Variants in FLNB observed in about 807,000 individuals in gnomAD.
FLNB encodes the protein filamin-B.
FLNB carries 111 observed loss-of-function variants against 250.6 expected under a neutral mutation model. The observed-to-expected ratio is 0.44, with a 90% CI of 0.38 to 0.52. The LOEUF is 0.52. Ranked by LOEUF, FLNB falls within the 20% of genes least tolerant of loss-of-function variation. The pLI, the probability that FLNB is intolerant of heterozygous loss-of-function variation, is 0.00. For missense variants in FLNB, 2,869 were observed against 3,447.8 expected (o/e 0.83, Z 4.20); for synonymous variants, 1,302 against 1,372.1 (o/e 0.95, Z 1.13).
intron 10 of FLNB, among the ~76,000 whole-genome samples, 178 bp downstream of exon 10, chr3:58,104,263 GCT>G (rs755008805): frequency 4.6e-5 from 7 of 151,002 alleles, no homozygotes; most frequent in Non-Finnish European, 8.8e-5. Flanking sequence ...GCAGAAAGTT[GCT>G]GTGGTTTTAG....
Position 58,145,814 on chromosome 3 carries a change from G to A in FLNB, c.5426-107G>A, listed in dbSNP as rs535092702. 8 of 1,378,930 alleles carry A rather than the reference G, an allele frequency of 5.8e-6. No homozygotes were observed. The East Asian group carries it at 1.8e-4, about 32-fold the overall frequency. 85.4% of individuals were successfully genotyped at this position (1,378,930 alleles called of 1,614,324 possible). A position where few individuals can be genotyped will look rare whatever the true frequency, so the allele number is the denominator to read the frequency against. ...TTCTGTCTCTTCATGCCTCTGCTTA[G>A]GAGGCGCCAGACCTGTAGAGAGGTG... On this transcript the variant is annotated intron_variant, in intron 32 of 45. Coordinates refer to ENST00000295956, the MANE Select transcript of FLNB (RefSeq NM_001457.4).
At chr3:58,073,574 A>AT (rs71091339) in intron 1 of FLNB, among the ~76,000 whole-genome samples, 2,624 of 143,904 alleles carry the variant, frequency 0.018, 68 homozygotes, top group African/African-American at 0.059. Context: ...GAAGTTCTTA[A>AT]TTTTTTTTTT....
intron 29 of FLNB, among the ~76,000 whole-genome samples, chr3:58,138,813 C>T (rs763460578): frequency 2.4e-4 from 37 of 152,170 alleles, no homozygotes; most frequent in Admixed American, 4.6e-4. Context: ...AAAGATAACT[C>T]CTCAGAAAAA....
intron 1 of FLNB, among the ~76,000 whole-genome samples, chr3:58,012,456 T>C (rs1015095659): frequency 7.2e-5 from 11 of 152,172 alleles, no homozygotes; most frequent in African/African-American, 2.7e-4. Flanking sequence ...GAGCCTTAAC[T>C]GACTTGCCTT....
chr3:58,125,694 T>C lies in FLNB; in HGVS notation c.4012T>C (p.Leu1338=), dbSNP rs1205622311. ...TAGGGTGCAAGCCCAAGGACCTGGATTGAAAGAGGCCTTTACCAACAAGCC... is the reference window on the plus strand; with the variant it reads ...TAGGGTGCAAGCCCAAGGACCTGGACTGAAAGAGGCCTTTACCAACAAGCC... ...PSRVQAQGPG[L]KEAFTNKPNV... The change falls in exon 23 of 46, where the codon TTG becomes CTG. Residue 1338 remains leucine, a synonymous_variant. Coordinates refer to ENST00000295956, the MANE Select transcript of FLNB (RefSeq NM_001457.4). The C allele has an allele frequency of 5.0e-6, 8 of 1,614,182 alleles. No individual in the cohort carries two copies. The highest frequency in any genetic ancestry group is 6.8e-6 in the Non-Finnish European group (8 of 1,180,032).
At chr3:58,021,262 TCCCAGGGGA>T (rs2097113638) in intron 1 of FLNB, among the ~76,000 whole-genome samples, 1 of 152,168 alleles carries the variant, frequency 6.6e-6, no homozygotes, top group South Asian at 2.1e-4. Context: ...AGGCCCTGCC[TCCCAGGGGA>T]CCTGAGGTGC....
intron 6 of FLNB, among the ~76,000 whole-genome samples, chr3:58,096,969 CTTTG>C (rs1381689636): frequency 5.3e-5 from 8 of 152,276 alleles, no homozygotes; most frequent in African/African-American, 1.9e-4. Context: ...GCCTCAGGCT[CTTTG>C]TCTTGGCAGC....
chr3:58,114,815 C>T (rs1403500508), intron 18 of FLNB, among the ~76,000 whole-genome samples: 2 of 150,938 alleles, frequency 1.3e-5, no homozygotes, highest in Non-Finnish European at 2.9e-5. Context: ...ATTAGTGATG[C>T]TGATCATCTT....
intron 18 of FLNB, among the ~76,000 whole-genome samples, chr3:58,114,231 G>A (rs2097274046): frequency 2.0e-5 from 3 of 152,098 alleles, no homozygotes; most frequent in South Asian, 2.1e-4. Context: ...TCAGCCTACC[G>A]AGTAGCTGGA....
intron 45 of FLNB, 105 bp from the exon 46 acceptor site, chr3:58,170,470 C>A: frequency 8.7e-7 from 1 of 1,149,448 alleles, no homozygotes; most frequent in Non-Finnish European, 1.3e-6. Flanking sequence ...TCTTAGGGGC[C>A]CCAGCATTAT....
intron 16 of FLNB, among the ~76,000 whole-genome samples, chr3:58,110,931 C>T (rs1157875571): frequency 6.6e-6 from 1 of 152,164 alleles, no homozygotes; most frequent in Non-Finnish European, 1.5e-5. Context: ...ATCGTTTTCT[C>T]TCTGGCTCCT....
intron 8 of FLNB, among the ~76,000 whole-genome samples, chr3:58,100,524 AG>A (rs1358260873): frequency 6.7e-6 from 1 of 149,934 alleles, no homozygotes; most frequent in Non-Finnish European, 1.5e-5. Context: ...TGAGTAGCTA[AG>A]ACTGTAGATG....
chr3:58,161,641 A>G (rs2097361940), intron 42 of FLNB, among the ~76,000 whole-genome samples: 1 of 152,246 alleles, frequency 6.6e-6, no homozygotes, highest in South Asian at 2.1e-4. Flanking sequence ...AGTAAGTTGC[A>G]TAACTAGAAA....
At position 58,123,702 on chromosome 3, in the gene FLNB, TTAAAAA is replaced by T. The variant is rs1559710906; in HGVS notation, c.3724+13_3724+18del. 6 of 1,406,644 alleles carry T rather than the reference TTAAAAA, an allele frequency of 4.3e-6. No individual in the cohort carries two copies. In the African/African-American group the frequency reaches 1.0e-4, roughly 23 times the overall value. 87.1% of individuals were successfully genotyped at this position (1,406,644 alleles called of 1,614,324 possible). A position where few individuals can be genotyped will look rare whatever the true frequency, so the allele number is the denominator to read the frequency against. The stretch of plus-strand genomic sequence containing the variant: ...AATAGAAGGGAAAGGTGGGTTTCAT[TTAAAAA>T]AAAAAAAAAAAAAAAAAAGACAAGC... On this transcript the variant is annotated intron_variant, in intron 21 of 45. Transcript: ENST00000295956.
At chr3:58,104,208 T>C (rs2097255699) in intron 10 of FLNB, 123 bp downstream of exon 10, 2 of 1,054,250 alleles carry the variant, frequency 1.9e-6, no homozygotes, top group African/African-American at 3.2e-5. Context: ...CTTTTTTTTT[T>C]TTTTTTTCGG....
In FLNB at chr3:58,143,567, C is replaced by T. The variant is rs2097330797; in HGVS notation, c.5379C>T (p.Val1793=). The change falls in exon 32 of 46, where the codon GTC becomes GTT. Residue 1793 remains valine (V), a synonymous_variant. Transcript: ENST00000295956. ...TVTVRYAPTE[V]GLHEMHIKYM... is the part of the protein sequence containing the mutation. ...CTGTTAGATATGCCCCCACTGAGGT[C>T]GGGCTCCATGAGATGCACATCAAAT... The T allele has an allele frequency of 1.1e-5, 18 of 1,614,138 alleles. No individual in the cohort carries two copies. Among genetic ancestry groups the T allele is most frequent in the Non-Finnish European group, 1.4e-5 (17 of 1,180,020 alleles).
At position 58,171,256 on chromosome 3, in the gene FLNB, A is replaced by T. The variant is rs1040108616; in HGVS notation, c.*494A>T. On this transcript the variant is annotated 3_prime_UTR_variant, in exon 46 of 46. Coordinates refer to ENST00000295956, the MANE Select transcript of FLNB (RefSeq NM_001457.4). This position sits in a 1 kb window ranked among gnomAD's most constrained non-coding sequence, Gnocchi z 5.5. ...CCGTGTTAATGTATTTGGCTATTAGATCACTAGCACTGCTTTACCGCTCCT... is the reference window on the plus strand; with the variant it reads ...CCGTGTTAATGTATTTGGCTATTAGTTCACTAGCACTGCTTTACCGCTCCT... 5.5e-6 allele frequency: 1 copy of T among 181,592 alleles called. No individual in the cohort carries two copies. Among genetic ancestry groups the T allele is most frequent in the Non-Finnish European group, 1.2e-5 (1 of 86,276 alleles). The allele number at this position is 181,592 out of a possible 1,614,324, so 11.2% of individuals were successfully genotyped here. A position where few individuals can be genotyped will look rare whatever the true frequency, so the allele number is the denominator to read the frequency against.
intron 16 of FLNB, 130 bp from the exon 17 acceptor site, chr3:58,111,661 T>G (rs2097268947): frequency 1.4e-6 from 1 of 713,460 alleles, no homozygotes. Context: ...TCTGTTTACC[T>G]GTGGTAATAG....
intron 1 of FLNB, among the ~76,000 whole-genome samples, chr3:58,057,319 A>G (rs925517570): frequency 6.6e-6 from 1 of 152,222 alleles, no homozygotes; most frequent in Non-Finnish European, 1.5e-5. Flanking sequence ...ATTAGTGAAG[A>G]TGATGGTTTG....
Sources: gnomAD v4.1 joint callset for allele counts (sites outside exome capture counted in the v4.1 genomes callset) on GRCh38, gnomAD v4.1.1 for gene constraint, Gnocchi (gnomAD v3.1) non-coding constraint, MANE v1.5 for transcripts, NCBI Gene and HGNC (gene_info 2026-07-23, HGNC 2026-07-21) for gene names.